Variants in HPS5 observed in about 807,000 individuals in gnomAD.
HPS5 encodes the protein HPS5 biogenesis of lysosomal organelles complex 2 subunit 2.
In HPS5, 83 loss-of-function variants were observed where a neutral mutation model predicts 128.0. That is an observed-to-expected ratio of 0.65 (90% CI 0.54 to 0.78). The LOEUF (loss-of-function observed/expected upper bound fraction) is 0.78. HPS5 is among the 30% of genes least tolerant of loss of function. HPS5 has a pLI of 0.00. For missense variants in HPS5, 1,281 were observed against 1,326.2 expected (o/e 0.97, Z 0.53); for synonymous variants, 475 against 470.2 (o/e 1.01, Z -0.13).
At chr11:18,299,145 T>G (rs775289001) in intron 9 of HPS5, among the ~76,000 whole-genome samples, 175 bp from the exon 10 acceptor site, 6 of 152,202 alleles carry the variant, frequency 3.9e-5, no homozygotes, top group Non-Finnish European at 7.3e-5. Context: ...TAGAAACTAT[T>G]CTAAAAAGAT....
intron 14 of HPS5, 27 bp downstream of exon 14, chr11:18,294,993 T>C (rs1860880592): frequency 1.9e-6 from 3 of 1,613,290 alleles, no homozygotes; most frequent in South Asian, 1.1e-5. Flanking sequence ...CCCTAGAATG[T>C]ATAGAGATTT....
At chr11:18,301,860 C>T (rs117987189) in intron 8 of HPS5, among the ~76,000 whole-genome samples, 30 of 152,160 alleles carry the variant, frequency 2.0e-4, no homozygotes, top group Admixed American at 3.9e-4. Flanking sequence ...GAAATGTATA[C>T]GAGTCAGAAT....
intron 9 of HPS5, 39 bp downstream of exon 9, chr11:18,300,789 A>G: frequency 9.6e-7 from 1 of 1,037,686 alleles, no homozygotes; most frequent in Non-Finnish European, 1.5e-6. Flanking sequence ...AAATTTTCAT[A>G]AGCATGAGAT....
At chr11:18,302,215 T>C (rs867191772) in intron 8 of HPS5, among the ~76,000 whole-genome samples, 28 of 152,134 alleles carry the variant, frequency 1.8e-4, no homozygotes, top group African/African-American at 6.8e-4. Context: ...TCTCCTCATC[T>C]TTTTCTATAC....
In HPS5 at chr11:18,297,721, A is replaced by AT; in HGVS notation, c.1165-5dup. The AT allele has an allele frequency of 6.2e-7, 1 of 1,613,286 alleles. No homozygotes were observed. The highest frequency in any genetic ancestry group is 8.5e-7 in the Non-Finnish European group (1 of 1,179,452). On this transcript the variant is annotated splice_polypyrimidine_tract_variant and splice_region_variant and intron_variant, in intron 10 of 22. Coordinates refer to ENST00000349215, the MANE Select transcript of HPS5 (RefSeq NM_181507.2). ...CTGCAGTCAAAGTTTTTCTTGCCTA[A>AT]TAAAACAACAGCGCAATGGAATAGC...
At chr11:18,311,302 A>T in intron 4 of HPS5, 85 bp downstream of exon 4, 1 of 981,576 alleles carries the variant, frequency 1.0e-6, no homozygotes, top group Non-Finnish European at 1.6e-6. Flanking sequence ...TAGGCAAACC[A>T]GGATGGTTGG....
intron 22 of HPS5, 96 bp from the exon 23 acceptor site, chr11:18,280,038 A>C: frequency 8.0e-7 from 1 of 1,249,050 alleles, no homozygotes; most frequent in Non-Finnish European, 1.2e-6. Context: ...GGATTCAAAA[A>C]GTTGACTGAT....
chr11:18,288,098 T>G, intron 16 of HPS5, 85 bp from the exon 17 acceptor site: 1 of 1,448,486 alleles, frequency 6.9e-7, no homozygotes. Context: ...CAGCAATCAT[T>G]AGTCACGTAC....
At chr11:18,280,024 C>T (rs1490830607) in intron 22 of HPS5, 82 bp from the exon 23 acceptor site, 1 of 1,398,300 alleles carries the variant, frequency 7.2e-7, no homozygotes, top group Non-Finnish European at 1.0e-6. Context: ...TACAGAGTTT[C>T]AGAGGATTCA....
At chr11:18,302,695 A>G (rs369609532) in intron 8 of HPS5, among the ~76,000 whole-genome samples, 17 of 152,100 alleles carry the variant, frequency 1.1e-4, no homozygotes, top group East Asian at 7.7e-4. Flanking sequence ...CATTTTGTCA[A>G]TATGAAAGAC....
intron 16 of HPS5, 146 bp downstream of exon 16, chr11:18,291,296 G>A (rs1483969496): frequency 1.8e-6 from 1 of 541,358 alleles, no homozygotes; most frequent in Non-Finnish European, 3.3e-6. Context: ...ACTATTAAAA[G>A]TTAAAATGAA....
At chr11:18,309,282 G>C (rs1180791572) in intron 5 of HPS5, among the ~76,000 whole-genome samples, 1 of 152,242 alleles carries the variant, frequency 6.6e-6, no homozygotes, top group African/African-American at 2.4e-5. Context: ...AACTGCAGAA[G>C]AGATTTCTCA....
intron 22 of HPS5, 121 bp from the exon 23 acceptor site, chr11:18,280,063 GAC>G (rs1424542275): frequency 1.4e-5 from 13 of 944,088 alleles, no homozygotes; most frequent in Non-Finnish European, 2.2e-5. Flanking sequence ...TGCATTAAAA[GAC>G]ACAATGCACA....
chr11:18,312,852 A>G (rs1434583689), intron 2 of HPS5, among the ~76,000 whole-genome samples: 2 of 152,224 alleles, frequency 1.3e-5, no homozygotes, highest in Non-Finnish European at 2.9e-5. Flanking sequence ...AGCCAGTTAT[A>G]TCATTGGGCC....
chr11:18,293,176 CT>C (rs542635233), intron 14 of HPS5, among the ~76,000 whole-genome samples, 200 bp from the exon 15 acceptor site: 14 of 148,420 alleles, frequency 9.4e-5, no homozygotes, highest in Admixed American at 3.4e-4. Context: ...TTTCTTTTTT[CT>C]TTTTTTTTTG....
chr11:18,313,587 A>AT (rs112466137), intron 2 of HPS5, among the ~76,000 whole-genome samples: 4,088 of 152,184 alleles, frequency 0.027, 84 homozygotes, highest in African/African-American at 0.053. Context: ...GGGCAACAGA[A>AT]TAAGACTCCA....
At chr11:18,300,719 AAG>A in intron 9 of HPS5, 107 bp downstream of exon 9, 4 of 551,114 alleles carry the variant, frequency 7.3e-6, no homozygotes, top group South Asian at 2.0e-5. Flanking sequence ...AAAAAAAAAA[AAG>A]TCATCCCATC....
chr11:18,314,216 G>A (rs1030469657), intron 2 of HPS5, among the ~76,000 whole-genome samples: 6 of 151,960 alleles, frequency 3.9e-5, no homozygotes, highest in African/African-American at 1.5e-4. Context: ...ACTCCAGCTT[G>A]GGCAACATAG....
At position 18,292,882 on chromosome 11, in the gene HPS5, T is replaced by G. The variant is rs111497919; in HGVS notation, c.1862+17A>C. ...CTGCCTTGAGACGTCACTATAAAAGTTTCTCATTATACTCACATTGCTTCT... is the reference window on the plus strand; with the variant it reads ...CTGCCTTGAGACGTCACTATAAAAGGTTCTCATTATACTCACATTGCTTCT... On this transcript the variant is annotated intron_variant, in intron 15 of 22. Transcript: ENST00000349215. 28,936 of 1,597,632 alleles carry G rather than the reference T, an allele frequency of 0.018. 383 individuals carry two copies. Among genetic ancestry groups the G allele is most frequent in the African/African-American group, 0.054 (3,998 of 74,644 alleles).
Sources: gnomAD v4.1 joint callset for allele counts (sites outside exome capture counted in the v4.1 genomes callset) on GRCh38, gnomAD v4.1.1 for gene constraint, MANE v1.5 for transcripts, NCBI Gene and HGNC (gene_info 2026-07-23, HGNC 2026-07-21) for gene names.